Variants in ST6GALNAC5 observed in about 807,000 individuals in gnomAD.
ST6GALNAC5 encodes the protein ST6 N-acetylgalactosaminide alpha-2,6-sialyltransferase 5.
A neutral mutation model predicts 33.6 loss-of-function variants in ST6GALNAC5; 27 were observed. That is an observed-to-expected ratio of 0.80 (90% CI 0.59 to 1.11). ST6GALNAC5 has a LOEUF of 1.11. Among genes scored for constraint, ST6GALNAC5 ranks in the 50% least tolerant of loss-of-function variants. The probability of loss-of-function intolerance (pLI) is 0.00; values close to 1 mark genes in which losing one functional copy is unlikely to be tolerated. For missense variants in ST6GALNAC5, 428 were observed against 454.0 expected, an observed-to-expected ratio of 0.94 and a Z score of 0.52; for synonymous variants, 194 against 171.2, an observed-to-expected ratio of 1.13 and a Z score of -1.04.
chr1:76,886,491 G>C (rs1267103549), intron 2 of ST6GALNAC5, among the ~76,000 whole-genome samples: 1 of 152,102 alleles, frequency 6.6e-6, no homozygotes, highest in Non-Finnish European at 1.5e-5. Context: ...GCTGGCAGGG[G>C]ATATATATTA....
At chr1:76,921,015 G>A (rs1003869863) in intron 2 of ST6GALNAC5, among the ~76,000 whole-genome samples, 1 of 152,168 alleles carries the variant, frequency 6.6e-6, no homozygotes, top group African/African-American at 2.4e-5. Context: ...TAGACTACCT[G>A]CTTGAGAGAT....
At chr1:77,042,935 C>T (rs1274159837) in intron 2 of ST6GALNAC5, among the ~76,000 whole-genome samples, 1 of 152,168 alleles carries the variant, frequency 6.6e-6, no homozygotes, top group Non-Finnish European at 1.5e-5. Context: ...CCTGCTACAT[C>T]CCAGAGCTGA....
intron 2 of ST6GALNAC5, among the ~76,000 whole-genome samples, chr1:77,042,084 T>C (rs1284678849): frequency 6.6e-6 from 1 of 152,242 alleles, no homozygotes; most frequent in Non-Finnish European, 1.5e-5. Context: ...TTGAGCAAAC[T>C]GCTTCATTTT....
chr1:76,896,320 T>C (rs940247982), intron 2 of ST6GALNAC5, among the ~76,000 whole-genome samples: 3 of 152,088 alleles, frequency 2.0e-5, no homozygotes, highest in African/African-American at 7.2e-5. Context: ...TGGGTTGGGG[T>C]AAATCCTCGA....
intron 3 of ST6GALNAC5, among the ~76,000 whole-genome samples, chr1:77,045,995 G>A (rs921578889): frequency 2.6e-5 from 4 of 152,172 alleles, no homozygotes; most frequent in Non-Finnish European, 4.4e-5. Flanking sequence ...ACTACTAATC[G>A]CTGGATGGAC....
rs773708658 is a variant in ST6GALNAC5 at position 77,063,011 on chromosome 1, T to C, written c.816T>C (p.Tyr272=). ...ACCCTTCAGTACCTTATCATTATTATGAACCTTTTGGACCTGATGAATGTA... is the reference window on the plus strand; with the variant it reads ...ACCCTTCAGTACCTTATCATTATTACGAACCTTTTGGACCTGATGAATGTA... ...PNHPSVPYHY[Y]EPFGPDECTM... The change falls in exon 5 of 5, where the codon TAT becomes TAC. Residue 272 remains tyrosine (Y), a synonymous_variant. Transcript: ENST00000477717. 1 of 1,613,950 alleles carries C rather than the reference T, an allele frequency of 6.2e-7. No individual in the cohort carries two copies. The highest frequency in any genetic ancestry group is 8.5e-7 in the Non-Finnish European group (1 of 1,179,876).
At chr1:76,905,370 G>A (rs1038612788) in intron 2 of ST6GALNAC5, among the ~76,000 whole-genome samples, 5 of 152,032 alleles carry the variant, frequency 3.3e-5, no homozygotes, top group East Asian at 1.9e-4. Context: ...TCTTCTTAAC[G>A]TCAGGTTAAC....
intron 2 of ST6GALNAC5, among the ~76,000 whole-genome samples, chr1:76,875,186 T>C (rs1212767522): frequency 2.0e-5 from 3 of 152,330 alleles, no homozygotes; most frequent in Non-Finnish European, 2.9e-5. Flanking sequence ...GATTACTACC[T>C]TCTTCTACTA....
intron 2 of ST6GALNAC5, among the ~76,000 whole-genome samples, chr1:76,905,195 T>C (rs1646853783): frequency 6.6e-6 from 1 of 152,188 alleles, no homozygotes; most frequent in Admixed American, 6.5e-5. Context: ...TTATTTCTAA[T>C]GCTTATTCAA....
chr1:76,993,612 T>C (rs1015979113), intron 2 of ST6GALNAC5, among the ~76,000 whole-genome samples: 2 of 152,206 alleles, frequency 1.3e-5, no homozygotes, highest in South Asian at 2.1e-4. Flanking sequence ...ATCTGGCAAA[T>C]CTCTGAAATT....
intron 2 of ST6GALNAC5, among the ~76,000 whole-genome samples, chr1:77,033,538 A>G (rs1282894399): frequency 6.6e-6 from 1 of 152,132 alleles, no homozygotes; most frequent in African/African-American, 2.4e-5. Context: ...AGGTTAGATA[A>G]CGTATGTATT....
intron 2 of ST6GALNAC5, among the ~76,000 whole-genome samples, chr1:76,923,099 A>G (rs1272967821): frequency 6.6e-6 from 1 of 152,164 alleles, no homozygotes; most frequent in East Asian, 1.9e-4. Flanking sequence ...AATATTTTCT[A>G]TCTCAACTGG....
intron 2 of ST6GALNAC5, among the ~76,000 whole-genome samples, chr1:76,882,831 G>A (rs1379241406): frequency 2.0e-5 from 3 of 152,048 alleles, no homozygotes; most frequent in African/African-American, 7.2e-5. Context: ...CCTCAGGAAG[G>A]CTTGCAAGGC....
intron 2 of ST6GALNAC5, among the ~76,000 whole-genome samples, chr1:76,954,638 G>A (rs1647883504): frequency 6.6e-6 from 1 of 152,156 alleles, no homozygotes; most frequent in Non-Finnish European, 1.5e-5. Context: ...GTATCATTTT[G>A]TAGAAAATTA....
chr1:76,991,453 C>T (rs1649725999), intron 2 of ST6GALNAC5, among the ~76,000 whole-genome samples: 1 of 152,150 alleles, frequency 6.6e-6, no homozygotes, highest in Admixed American at 6.5e-5. Flanking sequence ...ACACTCTGAG[C>T]ATTTTCTGAA....
At chr1:77,007,037 C>G (rs924071652) in intron 2 of ST6GALNAC5, among the ~76,000 whole-genome samples, 2 of 152,176 alleles carry the variant, frequency 1.3e-5, no homozygotes, top group Admixed American at 1.3e-4. Context: ...TGCATAAGCT[C>G]TTTTCAAGTC....
At chr1:76,927,978 G>T (rs1376472552) in intron 2 of ST6GALNAC5, among the ~76,000 whole-genome samples, 1 of 152,072 alleles carries the variant, frequency 6.6e-6, no homozygotes, top group Non-Finnish European at 1.5e-5. Flanking sequence ...CCTAATTTCA[G>T]GTTCAAAATG....
At chr1:76,893,826 A>G (rs529103468) in intron 2 of ST6GALNAC5, among the ~76,000 whole-genome samples, 121 of 152,036 alleles carry the variant, frequency 8.0e-4, no homozygotes, top group African/African-American at 2.8e-3. Context: ...AAATCCGGCT[A>G]ATTTTTGCAT....
At position 77,066,725 on chromosome 1, in the gene ST6GALNAC5, C is replaced by CA. The variant is rs1652790856; in HGVS notation, c.*3520dup. Among the ~76,000 whole-genome samples the CA allele has an allele frequency of 6.6e-6, 1 of 152,202 alleles. No homozygotes were observed. The highest frequency in any genetic ancestry group is 2.4e-5 in the African/African-American group (1 of 41,454). ...CTGCAGTGTTGGGAGGTGATGTTAA[C>CA]ACTCTACATGTTTTGTATCTGACCC... On this transcript the variant is annotated 3_prime_UTR_variant, in exon 5 of 5. Transcript: ENST00000477717.
Sources: gnomAD v4.1 joint callset for allele counts (sites outside exome capture counted in the v4.1 genomes callset) on GRCh38, gnomAD v4.1.1 for gene constraint, MANE v1.5 for transcripts, NCBI Gene and HGNC (gene_info 2026-07-23, HGNC 2026-07-21) for gene names.